RALGPS1: variants seen among roughly 807,000 people sequenced by gnomAD.
RALGPS1 encodes Ral GEF with PH domain and SH3 binding motif 1, also known as ras-specific guanine nucleotide-releasing factor RalGPS1.
RALGPS1 carries 19 observed loss-of-function variants against 78.8 expected under a neutral mutation model. The observed-to-expected ratio is 0.24, with a 90% CI of 0.17 to 0.35. RALGPS1 has a LOEUF of 0.35. Among genes scored for constraint, RALGPS1 ranks in the 10% least tolerant of loss-of-function variants. The pLI, the probability that RALGPS1 is intolerant of heterozygous loss-of-function variation, is 1.00. For missense variants in RALGPS1, 454 were observed against 688.3 expected (o/e 0.66, Z 3.81); for synonymous variants, 228 against 256.3 (o/e 0.89, Z 1.06).
chr9:127,177,989 G>T, intron 11 of RALGPS1: 1 of 1,541,682 alleles, frequency 6.5e-7, no homozygotes, highest in South Asian at 1.2e-5. Context: ...CACATGAAGA[G>T]ACTTTAATGA....
intron 5 of RALGPS1, among the ~76,000 whole-genome samples, chr9:127,041,155 G>A (rs111367825): frequency 6.6e-6 from 1 of 151,614 alleles, no homozygotes; most frequent in African/African-American, 2.4e-5. Context: ...GCAGTGGCGT[G>A]ATCTCAGATC....
At chr9:127,007,922 G>A (rs1048630410) in intron 4 of RALGPS1, among the ~76,000 whole-genome samples, 1 of 152,162 alleles carries the variant, frequency 6.6e-6, no homozygotes, top group African/African-American at 2.4e-5. Context: ...AGAGACCTGC[G>A]AGGGAGAGCC....
intron 7 of RALGPS1, among the ~76,000 whole-genome samples, chr9:127,053,895 A>G (rs901492281): frequency 3.3e-5 from 5 of 152,226 alleles, no homozygotes; most frequent in South Asian, 4.1e-4. Context: ...CTGGGTTTGC[A>G]TTCAGGTGCC....
intron 8 of RALGPS1, among the ~76,000 whole-genome samples, chr9:127,084,002 C>T (rs2051427252): frequency 6.6e-6 from 1 of 152,124 alleles, no homozygotes; most frequent in Non-Finnish European, 1.5e-5. Context: ...CCTCTGCCTC[C>T]TGGGCTGAAG....
At chr9:127,138,011 T>C (rs1406221436) in intron 8 of RALGPS1, among the ~76,000 whole-genome samples, 2 of 152,120 alleles carry the variant, frequency 1.3e-5, no homozygotes, top group African/African-American at 4.8e-5. Flanking sequence ...ATAAAGTGGC[T>C]GATTATCACA....
intron 11 of RALGPS1, among the ~76,000 whole-genome samples, chr9:127,192,135 G>C (rs1306367357): frequency 6.6e-6 from 1 of 152,250 alleles, no homozygotes; most frequent in Non-Finnish European, 1.5e-5. Flanking sequence ...GCTTGGGTTA[G>C]ATTTTAGAAG....
At chr9:127,089,854 G>C (rs2052248526) in intron 8 of RALGPS1, among the ~76,000 whole-genome samples, 1 of 152,212 alleles carries the variant, frequency 6.6e-6, no homozygotes, top group African/African-American at 2.4e-5. Context: ...AGGACAGGGG[G>C]CCACTATCTG....
rs958401579 is a variant in RALGPS1, at chr9:127,118,306, C to T, written c.611-47763C>T. Among the ~76,000 whole-genome samples the T allele has an allele frequency of 2.0e-5, 3 of 152,226 alleles. No homozygotes were observed. The East Asian group carries it at 5.8e-4, about 29-fold the overall frequency. ...ATGGCTCACAGTCCATGTGAAAGAA[C>T]ACAGTTTTGTCATAGAAACTACCCC... On this transcript the variant is annotated intron_variant, in intron 8 of 18. Transcript: ENST00000259351.
In RALGPS1 at chr9:127,201,687, C is replaced by T. The variant is rs74490221; in HGVS notation, c.1247+2621C>T. On this transcript the variant is annotated intron_variant, in intron 14 of 18. Transcript: ENST00000259351. The stretch of plus-strand genomic sequence containing the variant: ...TCTCTATTCCTGACCTTCATGGGCC[C>T]GATGCTTAGCTCCTCCAGGTCCTCC... Among the ~76,000 whole-genome samples the T allele has an allele frequency of 3.0e-3, 458 of 152,152 alleles. 4 individuals are homozygous for T. Among genetic ancestry groups the T allele is most frequent in the African/African-American group, 9.9e-3 (412 of 41,482 alleles).
chr9:127,094,058 C>T (rs1254374092), intron 8 of RALGPS1: 4 of 1,011,990 alleles, frequency 4.0e-6, no homozygotes, highest in Non-Finnish European at 5.6e-6. Context: ...CTGAGGTAAC[C>T]AATTTTTGTT....
At chr9:126,917,481 G>T (rs2034291736) in intron 1 of RALGPS1, among the ~76,000 whole-genome samples, 1 of 152,180 alleles carries the variant, frequency 6.6e-6, no homozygotes, top group South Asian at 2.1e-4. Context: ...CAGTATGGAG[G>T]GTAAGAGCTC....
At chr9:127,152,700 A>G (rs1410105724) in intron 8 of RALGPS1, among the ~76,000 whole-genome samples, 1 of 152,136 alleles carries the variant, frequency 6.6e-6, no homozygotes, top group Non-Finnish European at 1.5e-5. Flanking sequence ...GTCTGTCCAT[A>G]AGTCTTAGTT....
At chr9:127,013,352 C>T (rs913958282) in intron 4 of RALGPS1, among the ~76,000 whole-genome samples, 1 of 152,166 alleles carries the variant, frequency 6.6e-6, no homozygotes, top group Non-Finnish European at 1.5e-5. Flanking sequence ...CAAAGTCCTA[C>T]AGGTGCCATA....
chr9:126,923,496 A>C lies in RALGPS1; in HGVS notation c.-66+8521A>C, dbSNP rs200137419. 3.3e-5 allele frequency among the ~76,000 whole-genome samples: 5 copies of C among 152,332 alleles called. No homozygotes were observed. The East Asian group carries it at 9.6e-4, about 29-fold the overall frequency. ...AGTTTTTCTTGGTTTTAGATATTTC[A>C]GTTTCCAGATAATTGAATTTGAGGA... On this transcript the variant is annotated intron_variant, in intron 1 of 18. Coordinates refer to ENST00000259351, the MANE Select transcript of RALGPS1 (RefSeq NM_014636.3).
intron 14 of RALGPS1, among the ~76,000 whole-genome samples, chr9:127,207,094 C>T (rs1225155635): frequency 6.6e-6 from 1 of 152,056 alleles, no homozygotes; most frequent in Non-Finnish European, 1.5e-5. Flanking sequence ...GTCTCATCAC[C>T]ACCACCACCG....
Position 127,218,878 on chromosome 9 carries a change from C to T in RALGPS1, c.*109C>T. On this transcript the variant is annotated 3_prime_UTR_variant, in exon 19 of 19. Coordinates refer to ENST00000259351, the MANE Select transcript of RALGPS1 (RefSeq NM_014636.3). This position sits in a 1 kb window ranked among gnomAD's most constrained non-coding sequence, Gnocchi z 4.4. ...CTGTGAGCCAGGGTGCTGGGAAACT[C>T]ACAGCTGGACTCAGGGGACACGGCC... The T allele has an allele frequency of 7.9e-7, 1 of 1,272,468 alleles. No individual in the cohort carries two copies. Among genetic ancestry groups the T allele is most frequent in the South Asian group, 1.2e-5 (1 of 84,084 alleles). The allele number at this position is 1,272,468 out of a possible 1,614,324, so 78.8% of individuals were successfully genotyped here.
chr9:127,003,175 A>ATGGCAAATT (rs1314081985), intron 4 of RALGPS1, among the ~76,000 whole-genome samples: 1 of 152,208 alleles, frequency 6.6e-6, no homozygotes, highest in Admixed American at 6.5e-5. Flanking sequence ...ACCAAAAGCA[A>ATGGCAAATT]TGGCAACAAA....
At chr9:127,082,207 C>A (rs767723227) in intron 8 of RALGPS1, among the ~76,000 whole-genome samples, 6 of 152,200 alleles carry the variant, frequency 3.9e-5, no homozygotes, top group Non-Finnish European at 8.8e-5. Flanking sequence ...ACTGCCAGAG[C>A]ATCCACAAGT....
chr9:127,104,258 C>T (rs1328667525), intron 8 of RALGPS1, among the ~76,000 whole-genome samples: 1 of 152,208 alleles, frequency 6.6e-6, no homozygotes, highest in African/African-American at 2.4e-5. Flanking sequence ...GTGGCAGCTG[C>T]TGTTGGCGCT....
Sources: gnomAD v4.1 joint callset for allele counts (sites outside exome capture counted in the v4.1 genomes callset) on GRCh38, gnomAD v4.1.1 for gene constraint, Gnocchi (gnomAD v3.1) non-coding constraint, MANE v1.5 for transcripts, NCBI Gene and HGNC (gene_info 2026-07-23, HGNC 2026-07-21) for gene names.